KLHL1: variants seen among roughly 807,000 people sequenced by gnomAD.
KLHL1 encodes the protein kelch-like protein 1.
In KLHL1, 47 loss-of-function variants were observed where a neutral mutation model predicts 77.7. The observed-to-expected ratio is 0.60, with a 90% CI of 0.48 to 0.77. KLHL1 has a LOEUF of 0.77. KLHL1 is among the 30% of genes least tolerant of loss of function. KLHL1 has a pLI of 0.00. For missense variants in KLHL1, 925 were observed against 910.8 expected, an observed-to-expected ratio of 1.02 and a Z score of -0.20; for synonymous variants, 360 against 325.2, an observed-to-expected ratio of 1.11 and a Z score of -1.15.
intron 5 of KLHL1, among the ~76,000 whole-genome samples, chr13:69,852,106 C>G (rs1359672114): frequency 2.6e-5 from 4 of 151,754 alleles, no homozygotes. Context: ...AGAAATTGCT[C>G]TGAATTAAGA....
intron 7 of KLHL1, among the ~76,000 whole-genome samples, chr13:69,759,937 TAAAAC>T (rs1405878187): frequency 2.6e-5 from 4 of 152,198 alleles, no homozygotes; most frequent in Admixed American, 1.3e-4. Flanking sequence ...TTATTAAACT[TAAAAC>T]AATAGTAAGA....
At chr13:70,050,766 T>C (rs535510896) in intron 1 of KLHL1, among the ~76,000 whole-genome samples, 3 of 152,070 alleles carry the variant, frequency 2.0e-5, no homozygotes, top group African/African-American at 4.8e-5. Flanking sequence ...AAATATAACA[T>C]GTTTTTATGA....
intron 6 of KLHL1, among the ~76,000 whole-genome samples, chr13:69,838,093 C>CA (rs1473703125): frequency 6.6e-6 from 1 of 151,572 alleles, no homozygotes; most frequent in Non-Finnish European, 1.5e-5. Context: ...GTGTCATTCT[C>CA]TATTGATTAC....
At chr13:69,956,390 T>C (rs1158477495) in intron 3 of KLHL1, among the ~76,000 whole-genome samples, 1 of 150,960 alleles carries the variant, frequency 6.6e-6, no homozygotes, top group Non-Finnish European at 1.5e-5. Context: ...CAAAGACCAT[T>C]AGGCATTAAT....
chr13:69,748,104 A>G (rs1874297236), intron 7 of KLHL1, among the ~76,000 whole-genome samples: 1 of 151,982 alleles, frequency 6.6e-6, no homozygotes, highest in African/African-American at 2.4e-5. Flanking sequence ...AAACATATAA[A>G]TATTGAAAGA....
chr13:69,897,506 C>T (rs1486621671), intron 4 of KLHL1, among the ~76,000 whole-genome samples: 1 of 152,146 alleles, frequency 6.6e-6, no homozygotes, highest in Non-Finnish European at 1.5e-5. Context: ...CCAAAGATAT[C>T]CTTGAAACGT....
intron 5 of KLHL1, among the ~76,000 whole-genome samples, chr13:69,856,617 C>A (rs1473617424): frequency 6.6e-6 from 1 of 152,014 alleles, no homozygotes; most frequent in East Asian, 1.9e-4. Context: ...TTTTGCTCAT[C>A]TGTCTGTTAA....
At chr13:69,786,328 C>A (rs1023117602) in intron 7 of KLHL1, among the ~76,000 whole-genome samples, 2 of 152,128 alleles carry the variant, frequency 1.3e-5, no homozygotes, top group Non-Finnish European at 2.9e-5. Flanking sequence ...GGGCTTCATC[C>A]CTGGGATGCA....
At chr13:69,981,648 A>C (rs1417811204) in intron 1 of KLHL1, among the ~76,000 whole-genome samples, 1 of 152,178 alleles carries the variant, frequency 6.6e-6, no homozygotes, top group African/African-American at 2.4e-5. Flanking sequence ...TTTTTAAAAA[A>C]TATTTTTGAG....
chr13:69,961,532 C>T (rs985640459), intron 2 of KLHL1, 88 bp from the exon 3 acceptor site: 1 of 1,370,748 alleles, frequency 7.3e-7, no homozygotes, highest in Non-Finnish European at 1.0e-6. Context: ...AGCACAAAAT[C>T]AATCTATTGA....
chr13:70,097,972 A>G (rs889173280), intron 1 of KLHL1, among the ~76,000 whole-genome samples: 7 of 151,732 alleles, frequency 4.6e-5, no homozygotes, highest in Admixed American at 1.3e-4. Flanking sequence ...GCAAGGTTAC[A>G]TGTCAGAATA....
At chr13:69,911,037 T>A (rs1188563610) in intron 4 of KLHL1, among the ~76,000 whole-genome samples, 1 of 152,080 alleles carries the variant, frequency 6.6e-6, no homozygotes, top group East Asian at 1.9e-4. Context: ...AAGATCAGTA[T>A]AGAATCAGAC....
intron 6 of KLHL1, among the ~76,000 whole-genome samples, chr13:69,804,920 T>A (rs927298331): frequency 2.0e-5 from 3 of 152,198 alleles, no homozygotes; most frequent in African/African-American, 7.2e-5. Context: ...CCATAACACA[T>A]AAGACTTCAA....
intron 1 of KLHL1, among the ~76,000 whole-genome samples, chr13:70,043,280 A>G (rs980046006): frequency 1.4e-4 from 22 of 152,226 alleles, no homozygotes; most frequent in African/African-American, 5.3e-4. Context: ...TTATATAATA[A>G]GAAAAAATAT....
chr13:69,745,959 A>G (rs571539669), intron 7 of KLHL1, among the ~76,000 whole-genome samples: 1 of 151,728 alleles, frequency 6.6e-6, no homozygotes, highest in East Asian at 1.9e-4. Context: ...TCCAGAACAC[A>G]GTACATAGCT....
intron 7 of KLHL1, among the ~76,000 whole-genome samples, chr13:69,746,124 A>C (rs961920586): frequency 2.0e-5 from 3 of 151,644 alleles, no homozygotes; most frequent in African/African-American, 7.2e-5. Context: ...TCATCAATAA[A>C]TAAAAAGAAA....
At chr13:69,817,187 G>T (rs1878154934) in intron 6 of KLHL1, among the ~76,000 whole-genome samples, 1 of 151,976 alleles carries the variant, frequency 6.6e-6, no homozygotes, top group Non-Finnish European at 1.5e-5. Flanking sequence ...AATGCCCTAT[G>T]CCCCAGAAAA....
At chr13:70,030,771 T>TA (rs775778167) in intron 1 of KLHL1, among the ~76,000 whole-genome samples, 2 of 151,828 alleles carry the variant, frequency 1.3e-5, no homozygotes, top group South Asian at 2.1e-4. Context: ...GACAGAGATA[T>TA]AAAAAACCCT....
intron 1 of KLHL1, among the ~76,000 whole-genome samples, chr13:70,000,192 G>A (rs1250064346): frequency 6.6e-6 from 1 of 151,502 alleles, no homozygotes; most frequent in Non-Finnish European, 1.5e-5. Flanking sequence ...ACATTCATGA[G>A]GCAAATTGTA....
Sources: allele counts gnomAD v4.1 joint callset (sites outside exome capture counted in the v4.1 genomes callset), GRCh38; gene constraint gnomAD v4.1.1; transcripts MANE v1.5; gene names NCBI Gene and HGNC (gene_info 2026-07-23, HGNC 2026-07-21).